The following SPRED1 variants were observed in gnomAD, a reference collection of about 807,000 sequenced individuals.
SPRED1 encodes sprouty related EVH1 domain containing 1, also known as sprouty-related, EVH1 domain-containing protein 1.
A neutral mutation model predicts 52.3 loss-of-function variants in SPRED1; 18 were observed. The observed-to-expected ratio is 0.34, with a 90% CI of 0.24 to 0.51. The LOEUF (loss-of-function observed/expected upper bound fraction) is 0.51, where lower values mean the gene tolerates loss of function less well. SPRED1 is among the 20% of genes least tolerant of loss of function. SPRED1 has a pLI of 0.97. For missense variants in SPRED1, 485 were observed against 551.0 expected, an observed-to-expected ratio of 0.88 and a Z score of 1.20; for synonymous variants, 155 against 179.7, an observed-to-expected ratio of 0.86 and a Z score of 1.10.
At chr15:38,288,775 CT>C (rs1206551800) in intron 1 of SPRED1, among the ~76,000 whole-genome samples, 1 of 151,960 alleles carries the variant, frequency 6.6e-6, no homozygotes, top group Non-Finnish European at 1.5e-5. Context: ...TATTTTTTTG[CT>C]TTGAATATTG....
chr15:38,338,197 A>G (rs867173843), intron 4 of SPRED1, among the ~76,000 whole-genome samples: 6 of 151,414 alleles, frequency 4.0e-5, no homozygotes, highest in African/African-American at 1.2e-4. Context: ...AGTGACAAGA[A>G]CAAGACTCCA....
intron 4 of SPRED1, among the ~76,000 whole-genome samples, chr15:38,336,956 A>T (rs1276053393): frequency 6.6e-6 from 1 of 152,150 alleles, no homozygotes; most frequent in Admixed American, 6.6e-5. Context: ...TAAAACAACA[A>T]CAAATAATAA....
chr15:38,305,355 CT>C (rs112141797), intron 2 of SPRED1, among the ~76,000 whole-genome samples: 12 of 136,298 alleles, frequency 8.8e-5, no homozygotes, highest in African/African-American at 2.7e-4. Context: ...AAAAAAAAAA[CT>C]TTTTTTTTTT....
chr15:38,304,326 T>G (rs914987623), intron 2 of SPRED1, among the ~76,000 whole-genome samples: 6 of 152,190 alleles, frequency 3.9e-5, no homozygotes, highest in African/African-American at 1.4e-4. Flanking sequence ...CCTACAGAAG[T>G]GGTCCTCCAC....
rs1888558370 is a variant in SPRED1, at chr15:38,354,299, CTA to C, written c.*2636_*2637del. Reference sequence around the variant, plus strand: ...TCGGCACTGCCAATTGGCTTTTCCTCTAAAACTTTTCTTTGTTTTTATCTGAT... The same window carrying C: ...TCGGCACTGCCAATTGGCTTTTCCTCAAACTTTTCTTTGTTTTTATCTGAT... On this transcript the variant is annotated 3_prime_UTR_variant, in exon 7 of 7. Coordinates refer to ENST00000299084, the MANE Select transcript of SPRED1 (RefSeq NM_152594.3). 6.6e-6 allele frequency: 1 copy of C among 152,180 alleles called. No homozygotes were observed. The highest frequency in any genetic ancestry group is 1.5e-5 in the Non-Finnish European group (1 of 68,038). The allele number at this position is 152,180 out of a possible 1,614,324, so 9.4% of individuals were successfully genotyped here.
intron 5 of SPRED1, among the ~76,000 whole-genome samples, chr15:38,341,311 C>G (rs1896025479): frequency 6.6e-6 from 1 of 151,864 alleles, no homozygotes. Context: ...TTTATTTCCG[C>G]TTCTAACTTC....
intron 6 of SPRED1, among the ~76,000 whole-genome samples, chr15:38,350,563 C>T (rs2141015628): frequency 6.6e-6 from 1 of 152,290 alleles, no homozygotes; most frequent in Admixed American, 6.5e-5. Context: ...CATCCTTATC[C>T]TAACAGCCCC....
chr15:38,310,952 C>T (rs1895354954), intron 2 of SPRED1, among the ~76,000 whole-genome samples: 1 of 151,946 alleles, frequency 6.6e-6, no homozygotes, highest in South Asian at 2.1e-4. Context: ...TTTTTCTTCC[C>T]TTATTTCTGT....
rs775693385 is a variant in SPRED1, at chr15:38,253,191, C to T, written c.6C>T (p.Ser2=). The part of the protein sequence containing the change: M[S]EETATSDNDN... The stretch of plus-strand genomic sequence containing the variant: ...CGGATCACGGTGAGGGAAAGATGAG[C>T]GAGGAGACGGCGACTTCTGACAACG... Residue 2 remains serine, a synonymous_variant, in exon 1 of 7, where the codon AGC becomes AGT. Transcript: ENST00000299084. The T allele has an allele frequency of 6.3e-7, 1 of 1,580,316 alleles. No homozygotes were observed. Among genetic ancestry groups the T allele is most frequent in the Non-Finnish European group, 8.6e-7 (1 of 1,162,110 alleles).
chr15:38,304,797 C>A (rs1286647952), intron 2 of SPRED1, among the ~76,000 whole-genome samples: 2 of 152,146 alleles, frequency 1.3e-5, no homozygotes, highest in Admixed American at 6.5e-5. Flanking sequence ...CCTCCTACTG[C>A]TCTTCAATTT....
At chr15:38,284,037 A>G (rs1013503808) in intron 1 of SPRED1, among the ~76,000 whole-genome samples, 4 of 152,192 alleles carry the variant, frequency 2.6e-5, no homozygotes, top group African/African-American at 9.6e-5. Context: ...TCTGCTACTA[A>G]GAGATAGCCA....
chr15:38,293,174 A>G, intron 1 of SPRED1, among the ~76,000 whole-genome samples: 1 of 123,210 alleles, frequency 8.1e-6, no homozygotes. Flanking sequence ...ATCTCGTCTC[A>G]CTGCAACCTT....
chr15:38,354,538 A>G lies in SPRED1; in HGVS notation c.*2874A>G, dbSNP rs1888567556. The G allele has an allele frequency of 6.6e-6, 1 of 152,184 alleles. No individual in the cohort carries two copies. Among genetic ancestry groups the G allele is most frequent in the Admixed American group, 6.5e-5 (1 of 15,276 alleles). The allele number at this position is 152,184 out of a possible 1,614,324, so 9.4% of individuals were successfully genotyped here. ...ACCTACTGGATGATTTCCAGGCCAG[A>G]GACATGAGATGGCAATAGGGATCTG... On this transcript the variant is annotated 3_prime_UTR_variant, in exon 7 of 7. Transcript: ENST00000299084.
At position 38,277,217 on chromosome 15, in the gene SPRED1, G is replaced by A. The variant is rs537806613; in HGVS notation, c.33-22156G>A. On this transcript the variant is annotated intron_variant, in intron 1 of 6. Coordinates refer to ENST00000299084, the MANE Select transcript of SPRED1 (RefSeq NM_152594.3). ...CGGGGTTTGATGTACAGATTATTTC[G>A]TCACTGAGGTAATAAGCATAATACT... 2.0e-4 allele frequency among the ~76,000 whole-genome samples: 31 copies of A among 152,116 alleles called. 1 individual carries two copies. Among genetic ancestry groups the A allele is most frequent in the Admixed American group, 1.0e-3 (16 of 15,278 alleles).
intron 1 of SPRED1, among the ~76,000 whole-genome samples, chr15:38,272,615 G>A (rs1404650824): frequency 6.6e-6 from 1 of 152,136 alleles, no homozygotes; most frequent in Non-Finnish European, 1.5e-5. Flanking sequence ...TCTCCAAACT[G>A]CTCTCCACAG....
intron 2 of SPRED1, among the ~76,000 whole-genome samples, chr15:38,305,823 G>A (rs570225775): frequency 2.5e-4 from 38 of 152,250 alleles, no homozygotes; most frequent in Middle Eastern, 6.8e-3. Flanking sequence ...TCTTGAAATT[G>A]TTTGGATTTG....
chr15:38,330,531 T>G (rs546575517), intron 4 of SPRED1, among the ~76,000 whole-genome samples: 3 of 152,248 alleles, frequency 2.0e-5, no homozygotes, highest in Admixed American at 6.5e-5. Flanking sequence ...GTTGGGCTTG[T>G]GGAATTAGAG....
rs543597153 is a variant in SPRED1 at position 38,271,945 on chromosome 15, C to A, written c.32+18728C>A. ...ATAGTAGTCCCCAGTGTCTATTGTT[C>A]CCATCTTTATGTCCAGGAGTACCCA... On this transcript the variant is annotated intron_variant, in intron 1 of 6. Coordinates refer to ENST00000299084, the MANE Select transcript of SPRED1 (RefSeq NM_152594.3). Among the ~76,000 whole-genome samples, 11 of 152,210 alleles carry A rather than the reference C, an allele frequency of 7.2e-5. No homozygotes were observed. In the South Asian group the frequency reaches 1.0e-3, roughly 14 times the overall value.
At position 38,349,530 on chromosome 15, in the gene SPRED1, AATG is replaced by A; in HGVS notation, c.684+8_684+10del. On this transcript the variant is annotated splice_region_variant and intron_variant, in intron 6 of 6. Coordinates refer to ENST00000299084, the MANE Select transcript of SPRED1 (RefSeq NM_152594.3). ...CCTAAAGTCCCAAAATAGGGTAAGT[AATG>A]TTAGTTTATCTTGTGATATGGAATT... 6.3e-7 allele frequency: 1 copy of A among 1,576,922 alleles called. No homozygotes were observed. Among genetic ancestry groups the A allele is most frequent in the South Asian group, 1.1e-5 (1 of 90,150 alleles).
Sources: allele counts gnomAD v4.1 joint callset (sites outside exome capture counted in the v4.1 genomes callset), GRCh38; gene constraint gnomAD v4.1.1; transcripts MANE v1.5; gene names NCBI Gene and HGNC (gene_info 2026-07-23, HGNC 2026-07-21).